The following SUPT3H variants were observed in gnomAD, a reference collection of about 807,000 sequenced individuals.
SUPT3H encodes SPT3 homolog, SAGA and STAGA complex component.
In SUPT3H, 44 loss-of-function variants were observed where a neutral mutation model predicts 44.3. That is an observed-to-expected ratio of 0.99 (90% CI 0.78 to 1.28). The LOEUF is 1.28. SUPT3H is among the 50% of genes most tolerant of loss of function. The probability of loss-of-function intolerance (pLI) is 0.00; values close to 1 mark genes in which losing one functional copy is unlikely to be tolerated. For missense variants in SUPT3H, 380 were observed against 387.1 expected, an observed-to-expected ratio of 0.98 and a Z score of 0.15; for synonymous variants, 124 against 125.6, an observed-to-expected ratio of 0.99 and a Z score of 0.09.
intron 11 of SUPT3H, among the ~76,000 whole-genome samples, chr6:44,815,992 C>T (rs879324858): frequency 3.4e-4 from 51 of 151,976 alleles, no homozygotes; most frequent in Non-Finnish European, 6.6e-4. Context: ...CATAAGCAAA[C>T]CTTAGAAAAC....
At chr6:45,126,010 A>T (rs1359544974) in intron 2 of SUPT3H, among the ~76,000 whole-genome samples, 4 of 152,094 alleles carry the variant, frequency 2.6e-5, no homozygotes, top group Non-Finnish European at 5.9e-5. Flanking sequence ...CCCAAACATG[A>T]TCTCTTAAAA....
At chr6:45,262,388 G>C (rs1400432082) in intron 2 of SUPT3H, among the ~76,000 whole-genome samples, 1 of 151,970 alleles carries the variant, frequency 6.6e-6, no homozygotes, top group Non-Finnish European at 1.5e-5. Flanking sequence ...CTTCAACAAA[G>C]TCAACAATAA....
intron 3 of SUPT3H, among the ~76,000 whole-genome samples, chr6:45,030,122 T>C (rs1414686156): frequency 1.3e-5 from 2 of 152,178 alleles, no homozygotes; most frequent in Non-Finnish European, 2.9e-5. Context: ...AATTTGACTA[T>C]TTACTGAATC....
At chr6:44,825,750 G>A (rs1286927281), downstream of SUPT3H, among the ~76,000 whole-genome samples, 1 of 152,144 alleles carries the variant, frequency 6.6e-6, no homozygotes, top group Non-Finnish European at 1.5e-5. Flanking sequence ...CCTGGTATAA[G>A]TAAAACTATA....
At chr6:45,134,437 C>T (rs1803961858) in intron 2 of SUPT3H, among the ~76,000 whole-genome samples, 1 of 152,184 alleles carries the variant, frequency 6.6e-6, no homozygotes, top group African/African-American at 2.4e-5. Context: ...AAGTCCTTCT[C>T]ACAATGCAAA....
Position 44,851,533 on chromosome 6 carries a change from T to G in SUPT3H, c.913-21676A>C, listed in dbSNP as rs539873844. ...TAGTGGAACTAGTGATGAGAAAAAG[T>G]GTGATTTCTTTATTGAAGAGCCATC... On this transcript the variant is annotated intron_variant, in intron 10 of 10. Transcript: ENST00000371459. 5.3e-5 allele frequency among the ~76,000 whole-genome samples: 8 copies of G among 152,312 alleles called. No individual in the cohort carries two copies. In the East Asian group the frequency reaches 1.5e-3, roughly 29 times the overall value.
At chr6:44,974,667 A>G (rs1234140066) in intron 6 of SUPT3H, among the ~76,000 whole-genome samples, 1 of 152,206 alleles carries the variant, frequency 6.6e-6, no homozygotes, top group African/African-American at 2.4e-5. Context: ...TGTCATTTCT[A>G]TCAAAACCCT....
intron 3 of SUPT3H, chr6:45,098,560 C>A: frequency 6.7e-6 from 2 of 297,836 alleles, no homozygotes; most frequent in South Asian, 7.8e-5. Flanking sequence ...GAGGAACATC[C>A]ATGCAGACAT....
At chr6:44,990,217 A>G (rs1243716956) in intron 6 of SUPT3H, among the ~76,000 whole-genome samples, 1 of 151,954 alleles carries the variant, frequency 6.6e-6, no homozygotes, top group Non-Finnish European at 1.5e-5. Flanking sequence ...CACTTTTACC[A>G]ACACCATTTA....
intron 2 of SUPT3H, among the ~76,000 whole-genome samples, chr6:45,164,361 T>C (rs1809515784): frequency 6.6e-6 from 1 of 152,182 alleles, no homozygotes; most frequent in Non-Finnish European, 1.5e-5. Context: ...GGTGTATGTG[T>C]GTTTGTTCAT....
At chr6:45,008,772 CCT>C (rs1783067505) in intron 5 of SUPT3H, among the ~76,000 whole-genome samples, 1 of 151,368 alleles carries the variant, frequency 6.6e-6, no homozygotes, top group Non-Finnish European at 1.5e-5. Flanking sequence ...ATGGAATCTC[CCT>C]CTATTGCCCA....
chr6:45,321,786 C>T, intron 2 of SUPT3H: 1 of 1,586,978 alleles, frequency 6.3e-7, no homozygotes, highest in Non-Finnish European at 8.6e-7. Flanking sequence ...CACAATTTCC[C>T]ACTACTTACC....
At chr6:45,160,241 T>C (rs984239634) in intron 2 of SUPT3H, among the ~76,000 whole-genome samples, 12 of 152,162 alleles carry the variant, frequency 7.9e-5, no homozygotes, top group Non-Finnish European at 1.5e-4. Flanking sequence ...AAATTGTTAA[T>C]ATGAGGCAGG....
intron 2 of SUPT3H, among the ~76,000 whole-genome samples, chr6:45,110,440 C>T (rs529037740): frequency 9.2e-5 from 14 of 152,016 alleles, no homozygotes; most frequent in African/African-American, 2.9e-4. Context: ...ATGTATAGCC[C>T]AATACTATCT....
At chr6:45,345,736 G>C (rs1790721295) in intron 2 of SUPT3H, among the ~76,000 whole-genome samples, 1 of 152,138 alleles carries the variant, frequency 6.6e-6, no homozygotes, top group African/African-American at 2.4e-5. Context: ...TCTTCTTAAT[G>C]AGTATCAATG....
At chr6:45,017,288 T>C (rs1417396344) in intron 4 of SUPT3H, among the ~76,000 whole-genome samples, 1 of 149,750 alleles carries the variant, frequency 6.7e-6, no homozygotes, top group African/African-American at 2.4e-5. Flanking sequence ...TCTCCCATTT[T>C]GTAGGTTGCC....
At chr6:45,310,817 C>A (rs1783831247) in intron 2 of SUPT3H, among the ~76,000 whole-genome samples, 1 of 152,152 alleles carries the variant, frequency 6.6e-6, no homozygotes, top group South Asian at 2.1e-4. Context: ...ACAGAGCCTA[C>A]CCAAATAGGA....
intron 1 of SUPT3H, among the ~76,000 whole-genome samples, chr6:45,370,559 T>C (rs1286417379): frequency 6.6e-6 from 1 of 152,160 alleles, no homozygotes; most frequent in Non-Finnish European, 1.5e-5. Context: ...ATCAATATAA[T>C]AGAACTTTGT....
intron 2 of SUPT3H, among the ~76,000 whole-genome samples, chr6:45,296,887 G>A (rs1245666485): frequency 7.1e-6 from 1 of 140,372 alleles, no homozygotes; most frequent in Non-Finnish European, 1.5e-5. Flanking sequence ...TCATGCCACT[G>A]CACTCTGCAT....
Sources: allele counts gnomAD v4.1 joint callset (sites outside exome capture counted in the v4.1 genomes callset), GRCh38; gene constraint gnomAD v4.1.1; transcripts MANE v1.5; gene names NCBI Gene and HGNC (gene_info 2026-07-23, HGNC 2026-07-21).